The following ADD3 variants were observed in gnomAD, a reference collection of about 807,000 sequenced individuals.
ADD3 encodes the protein gamma-adducin.
Under a neutral mutation model 80.2 loss-of-function variants are expected in ADD3, and 25 were observed. The ratio of observed to expected loss-of-function variants is 0.31; its 90% confidence interval spans 0.23 to 0.44. The LOEUF (loss-of-function observed/expected upper bound fraction) is 0.44. ADD3 is among the 20% of genes least tolerant of loss of function. The pLI is 1.00. For missense variants in ADD3, 829 were observed against 847.5 expected (o/e 0.98, Z 0.27); for synonymous variants, 284 against 289.6 (o/e 0.98, Z 0.20).
At chr10:110,110,687 G>A (rs148631874) in intron 2 of ADD3, among the ~76,000 whole-genome samples, 10 of 151,826 alleles carry the variant, frequency 6.6e-5, no homozygotes, top group East Asian at 3.9e-4. Flanking sequence ...CCATGAGCTC[G>A]TATGCCATTT....
chr10:110,032,952 A>T (rs1365920569), intron 1 of ADD3, among the ~76,000 whole-genome samples: 1 of 152,252 alleles, frequency 6.6e-6, no homozygotes, highest in East Asian at 1.9e-4. Flanking sequence ...AGCCAATTTA[A>T]ATAGAGCCAA....
intron 1 of ADD3, among the ~76,000 whole-genome samples, chr10:110,041,592 T>A (rs1431258370): frequency 6.6e-6 from 1 of 152,230 alleles, no homozygotes; most frequent in East Asian, 1.9e-4. Context: ...TGATATAGGA[T>A]GTTCACACTC....
At chr10:110,012,254 G>A (rs1283409652) in intron 1 of ADD3, among the ~76,000 whole-genome samples, 3 of 152,116 alleles carry the variant, frequency 2.0e-5, no homozygotes, top group Non-Finnish European at 4.4e-5. Context: ...AAAGGTTTGT[G>A]GATCTTTTAT....
chr10:110,117,876 C>T (rs900202136), intron 5 of ADD3, among the ~76,000 whole-genome samples: 5 of 151,874 alleles, frequency 3.3e-5, no homozygotes, highest in South Asian at 2.1e-4. Flanking sequence ...ATTAGCTGGG[C>T]GTGGTGGCAC....
chr10:110,090,594 C>T (rs1465967856), intron 1 of ADD3, among the ~76,000 whole-genome samples: 3 of 152,194 alleles, frequency 2.0e-5, no homozygotes, highest in Non-Finnish European at 4.4e-5. Context: ...CTACATCTAA[C>T]TGCTTTGTTC....
intron 8 of ADD3, among the ~76,000 whole-genome samples, chr10:110,120,224 CT>C (rs1361791611): frequency 2.8e-5 from 3 of 106,084 alleles, no homozygotes; most frequent in Non-Finnish European, 5.6e-5. Flanking sequence ...TCCCTCCCCC[CT>C]CCCCCCACCC....
chr10:110,112,432 T>A, intron 2 of ADD3: 1 of 180,098 alleles, frequency 5.6e-6, no homozygotes, highest in Admixed American at 5.8e-5. Context: ...GGACTCTGTC[T>A]TAGCTAAGCA....
At chr10:110,052,978 G>C (rs533972945) in intron 1 of ADD3, among the ~76,000 whole-genome samples, 1 of 152,130 alleles carries the variant, frequency 6.6e-6, no homozygotes, top group Non-Finnish European at 1.5e-5. Context: ...TTTGTCCTGA[G>C]GTGGGCAAAA....
chr10:110,105,311 C>A (rs1159869382), intron 2 of ADD3, among the ~76,000 whole-genome samples: 1 of 151,814 alleles, frequency 6.6e-6, no homozygotes, highest in Non-Finnish European at 1.5e-5. Flanking sequence ...TCTAATTTAC[C>A]CCCTTTTCTC....
rs1216374454 is a variant in ADD3, at chr10:110,114,505, A to T, written c.334+1590A>T. Among the ~76,000 whole-genome samples, 6 of 152,188 alleles carry T rather than the reference A, an allele frequency of 3.9e-5. No individual in the cohort carries two copies. In the South Asian group the frequency reaches 1.2e-3, roughly 31 times the overall value. On this transcript the variant is annotated intron_variant, in intron 3 of 14. Coordinates refer to ENST00000356080, the MANE Select transcript of ADD3 (RefSeq NM_016824.5). ...TACAAGAATGAGGCTTATTGCAGGGATCCATGCATGAGTTAAGGGCTGAAC... is the reference window on the plus strand; with the variant it reads ...TACAAGAATGAGGCTTATTGCAGGGTTCCATGCATGAGTTAAGGGCTGAAC...
At chr10:110,004,539 G>C (rs1490949189), upstream of ADD3, among the ~76,000 whole-genome samples, 3 of 151,648 alleles carry the variant, frequency 2.0e-5, no homozygotes, top group African/African-American at 7.3e-5. Flanking sequence ...TTGATCTCTT[G>C]ACCTCGTGAC....
chr10:109,999,781 AT>A (rs1329368960), intron 1 of ADD3, among the ~76,000 whole-genome samples: 1 of 152,186 alleles, frequency 6.6e-6, no homozygotes, highest in Non-Finnish European at 1.5e-5. Context: ...TACGACAGTT[AT>A]TTATTGAACA....
intron 1 of ADD3, chr10:110,075,505 C>G (rs778625837): frequency 6.6e-6 from 1 of 152,010 alleles, no homozygotes; most frequent in African/African-American, 2.4e-5. Context: ...GGTGAAAGCC[C>G]CAAAAGGAAA....
Position 110,116,295 on chromosome 10 carries a change from G to C in ADD3, c.371G>C (p.Gly124Ala). ...GMVTPINDLPGADTSSYVKGE... is the reference protein window; with the variant it reads ...GMVTPINDLPAADTSSYVKGE... The stretch of plus-strand genomic sequence containing the variant: ...GTCACACCTATCAATGACCTTCCTG[G>C]TGCAGATACATCCTCATATGTGAAG... The change falls in exon 4 of 15, where the codon GGT becomes GCT. Residue 124 changes from glycine to alanine, a missense_variant. By Grantham distance (60) the Gly-to-Ala change is moderately conservative. Transcript: ENST00000356080. 2 of 1,614,016 alleles carry C rather than the reference G, an allele frequency of 1.2e-6. No individual in the cohort carries two copies. Among genetic ancestry groups the C allele is most frequent in the Non-Finnish European group, 1.7e-6 (2 of 1,179,984 alleles).
chr10:110,022,872 A>G (rs1853842132), intron 1 of ADD3, among the ~76,000 whole-genome samples: 1 of 152,102 alleles, frequency 6.6e-6, no homozygotes, highest in Non-Finnish European at 1.5e-5. Context: ...TATAGGCCAT[A>G]ATACTAGAAT....
At chr10:110,019,400 G>C (rs1853393526) in intron 1 of ADD3, among the ~76,000 whole-genome samples, 1 of 150,538 alleles carries the variant, frequency 6.6e-6, no homozygotes, top group Non-Finnish European at 1.5e-5. Context: ...TGTTGCCCAG[G>C]CTGGAGTGCA....
chr10:110,026,397 C>A (rs897504486), intron 1 of ADD3, among the ~76,000 whole-genome samples: 5 of 151,776 alleles, frequency 3.3e-5, no homozygotes, highest in African/African-American at 1.2e-4. Flanking sequence ...TCTCCTGCCT[C>A]AGCCTCCTGA....
intron 1 of ADD3, among the ~76,000 whole-genome samples, chr10:110,091,027 C>T (rs1034664873): frequency 5.3e-5 from 8 of 152,242 alleles, no homozygotes; most frequent in Non-Finnish European, 8.8e-5. Flanking sequence ...AAGAATAATA[C>T]GGATCAATCT....
chr10:110,089,067 T>TTATTTG (rs1316441442), intron 1 of ADD3, among the ~76,000 whole-genome samples: 3 of 152,178 alleles, frequency 2.0e-5, no homozygotes, highest in African/African-American at 4.8e-5. Context: ...ATTTCCTATA[T>TTATTTG]TATTTGTATT....
Sources: gnomAD v4.1 joint callset for allele counts (sites outside exome capture counted in the v4.1 genomes callset) on GRCh38, gnomAD v4.1.1 for gene constraint, MANE v1.5 for transcripts, NCBI Gene and HGNC (gene_info 2026-07-23, HGNC 2026-07-21) for gene names.